The following NTM variants were observed in gnomAD, a reference collection of about 807,000 sequenced individuals.
NTM encodes neurotrimin.
A neutral mutation model predicts 42.1 loss-of-function variants in NTM; 13 were observed. That is an observed-to-expected ratio of 0.31 (90% CI 0.20 to 0.49). The LOEUF is 0.49. Ranked by LOEUF, NTM falls within the 20% of genes least tolerant of loss-of-function variation. The pLI is 0.99. For synonymous variants in NTM, 187 were observed against 179.2 expected (o/e 1.04, Z -0.35); for missense variants, 373 against 452.8 (o/e 0.82, Z 1.60).
intron 1 of NTM, among the ~76,000 whole-genome samples, chr11:131,411,500 G>T (rs1565474905): frequency 6.6e-6 from 1 of 151,756 alleles, no homozygotes. Context: ...AAGACTAAGG[G>T]GATGGAGAGA....
chr11:131,801,077 G>T (rs567209868), intron 1 of NTM, among the ~76,000 whole-genome samples: 1 of 152,312 alleles, frequency 6.6e-6, no homozygotes, highest in Admixed American at 6.5e-5. Flanking sequence ...TAAGAATTCA[G>T]AAGTGGTTGG....
intron 1 of NTM, among the ~76,000 whole-genome samples, chr11:131,390,644 C>A (rs1943885954): frequency 6.6e-6 from 1 of 152,096 alleles, no homozygotes; most frequent in African/African-American, 2.4e-5. Flanking sequence ...GTGGTGCAGG[C>A]CTGGGAAACA....
chr11:131,590,708 G>A (rs1364412725), intron 1 of NTM, among the ~76,000 whole-genome samples: 1 of 152,230 alleles, frequency 6.6e-6, no homozygotes, highest in Non-Finnish European at 1.5e-5. Context: ...CATCTGCATG[G>A]CAATTGATGT....
intron 1 of NTM, among the ~76,000 whole-genome samples, chr11:131,614,614 C>A (rs1489136511): frequency 6.6e-6 from 1 of 152,148 alleles, no homozygotes; most frequent in Non-Finnish European, 1.5e-5. Context: ...CCATTTGGCC[C>A]AGTTTTCTGG....
intron 2 of NTM, among the ~76,000 whole-genome samples, chr11:131,936,650 A>AT (rs1312973773): frequency 6.6e-6 from 1 of 152,186 alleles, no homozygotes; most frequent in East Asian, 1.9e-4. Flanking sequence ...AATAAAAACA[A>AT]TTTTTTAAAA....
At chr11:132,321,333 G>A (rs576025484) in intron 7 of NTM, among the ~76,000 whole-genome samples, 88 of 152,278 alleles carry the variant, frequency 5.8e-4, no homozygotes, top group African/African-American at 1.9e-3. Flanking sequence ...AGTGCTTAAA[G>A]GAGCTGATGG....
chr11:131,711,914 T>C (rs1445707524), intron 1 of NTM, among the ~76,000 whole-genome samples: 52 of 134,182 alleles, frequency 3.9e-4, no homozygotes, highest in Non-Finnish European at 6.9e-4. Context: ...TTCTCACTCA[T>C]AGGTGGGAAT....
intron 1 of NTM, among the ~76,000 whole-genome samples, chr11:131,678,511 C>A (rs112878385): frequency 2.6e-5 from 4 of 152,352 alleles, no homozygotes; most frequent in African/African-American, 9.6e-5. Context: ...AAACAGATGC[C>A]CTTCCTCCTG....
chr11:131,452,275 G>A (rs1950545785), intron 1 of NTM, among the ~76,000 whole-genome samples: 1 of 152,214 alleles, frequency 6.6e-6, no homozygotes. Context: ...CCGGCTGCAG[G>A]CCCCACTTTC....
intron 1 of NTM, among the ~76,000 whole-genome samples, chr11:131,458,182 A>G (rs11222641): frequency 0.081 from 12,339 of 152,196 alleles, 1,275 homozygotes; most frequent in African/African-American, 0.23. Context: ...GGATGAAAAG[A>G]AGAGAGTGGG....
At chr11:132,064,161 T>C (rs1367882258) in intron 2 of NTM, among the ~76,000 whole-genome samples, 1 of 151,926 alleles carries the variant, frequency 6.6e-6, no homozygotes. Context: ...TAAGAGTGAG[T>C]CTTTTGTGGG....
At chr11:131,988,744 A>G (rs1191263457) in intron 2 of NTM, among the ~76,000 whole-genome samples, 1 of 152,192 alleles carries the variant, frequency 6.6e-6, no homozygotes, top group African/African-American at 2.4e-5. Flanking sequence ...TGATGAATTG[A>G]TGGCCAGCAG....
At chr11:132,331,355 A>AGAT (rs1205209534) in intron 8 of NTM, among the ~76,000 whole-genome samples, 1 of 152,224 alleles carries the variant, frequency 6.6e-6, no homozygotes, top group African/African-American at 2.4e-5. Flanking sequence ...GCTTCTATGT[A>AGAT]GATAGACACT....
chr11:132,328,699 T>C (rs1201674140), intron 7 of NTM, among the ~76,000 whole-genome samples: 3 of 152,090 alleles, frequency 2.0e-5, no homozygotes, highest in African/African-American at 7.2e-5. Context: ...TTACTTTATC[T>C]CCCCAAGTCT....
chr11:132,064,494 G>T (rs1429750204), intron 2 of NTM, among the ~76,000 whole-genome samples: 2 of 152,142 alleles, frequency 1.3e-5, no homozygotes, highest in Admixed American at 6.5e-5. Context: ...AGTGAATAAT[G>T]GGAAAGAATT....
At chr11:131,914,286 C>T (rs899220561) in intron 2 of NTM, among the ~76,000 whole-genome samples, 3 of 152,072 alleles carry the variant, frequency 2.0e-5, no homozygotes, top group Admixed American at 2.0e-4. Context: ...TTCCTTCCTT[C>T]CTTCCATCTA....
chr11:132,026,860 A>G (rs1055942464), intron 2 of NTM, among the ~76,000 whole-genome samples: 7 of 152,204 alleles, frequency 4.6e-5, no homozygotes, highest in African/African-American at 1.7e-4. Flanking sequence ...AAAGAGAGCA[A>G]ATAGATGACT....
chr11:131,893,005 G>T (rs2051622710), intron 1 of NTM, among the ~76,000 whole-genome samples: 1 of 152,222 alleles, frequency 6.6e-6, no homozygotes, highest in African/African-American at 2.4e-5. Context: ...TGGACTTTGA[G>T]CTCTTGTTGG....
At chr11:131,443,963 G>C (rs1056746381) in intron 1 of NTM, among the ~76,000 whole-genome samples, 4 of 152,122 alleles carry the variant, frequency 2.6e-5, no homozygotes, top group Non-Finnish European at 5.9e-5. Context: ...CCTCATAAGA[G>C]ATCTTGACCA....
Sources: allele counts gnomAD v4.1 joint callset (sites outside exome capture counted in the v4.1 genomes callset), GRCh38; gene constraint gnomAD v4.1.1; transcripts MANE v1.5; gene names NCBI Gene and HGNC (gene_info 2026-07-23, HGNC 2026-07-21).